Variants in SLC17A7 observed in about 807,000 individuals in gnomAD.
SLC17A7 encodes the protein vesicular glutamate transporter 1.
A neutral mutation model predicts 59.1 loss-of-function variants in SLC17A7; 15 were observed. The observed-to-expected ratio is 0.25, with a 90% confidence interval of 0.17 to 0.39. The LOEUF (loss-of-function observed/expected upper bound fraction) is 0.39, where lower values mean the gene tolerates loss of function less well. SLC17A7 is among the 10% of genes least tolerant of loss of function. The pLI is 1.00. For missense variants in SLC17A7, 499 were observed against 765.1 expected (o/e 0.65, Z 4.10); for synonymous variants, 353 against 308.9 (o/e 1.14, Z -1.50).
In SLC17A7 at chr19:49,436,316, C is replaced by G. The variant is rs548663628; in HGVS notation, c.315+233G>C. 1 of 581,098 alleles carries G rather than the reference C, an allele frequency of 1.7e-6. No homozygotes were observed. The highest frequency in any genetic ancestry group is 2.3e-5 in the South Asian group (1 of 42,986). 36.0% of individuals were successfully genotyped at this position (581,098 alleles called of 1,614,324 possible). ...GCGGACTCTACATTTTTCAATCAAG[C>G]CCCTGGAAATAAGGGCGGGACTTCA... On this transcript the variant is annotated intron_variant, in intron 2 of 11. Coordinates refer to ENST00000221485, the MANE Select transcript of SLC17A7 (RefSeq NM_020309.4). The surrounding 1 kb of genome is among the most constrained non-coding windows in gnomAD (Gnocchi z 4.1).
intron 9 of SLC17A7, among the ~76,000 whole-genome samples, chr19:49,432,203 T>G (rs778942100): frequency 6.6e-6 from 1 of 152,176 alleles, no homozygotes; most frequent in Non-Finnish European, 1.5e-5. Context: ...CATCACCTAG[T>G]TCATGTCCTA....
chr19:49,430,922 A>C, intron 11 of SLC17A7, 93 bp downstream of exon 11: 8 of 1,552,206 alleles, frequency 5.2e-6, no homozygotes, highest in Non-Finnish European at 7.0e-6. Context: ...CTGAAAAGGC[A>C]GGGATGGCAC....
intron 3 of SLC17A7, 102 bp from the exon 4 acceptor site, chr19:49,434,984 C>T (rs2078974873): frequency 8.8e-7 from 1 of 1,142,150 alleles, no homozygotes; most frequent in Non-Finnish European, 1.3e-6. Context: ...CCCCGGGACC[C>T]CAGGTCCCAC....
At chr19:49,434,255 C>A (rs912503002) in intron 5 of SLC17A7, among the ~76,000 whole-genome samples, 2 of 149,318 alleles carry the variant, frequency 1.3e-5, no homozygotes, top group Admixed American at 6.7e-5. Context: ...GGAGTCCAGG[C>A]CCCCAGCTCC....
intron 1 of SLC17A7, among the ~76,000 whole-genome samples, chr19:49,438,696 G>A (rs767360878): frequency 5.3e-5 from 8 of 152,070 alleles, no homozygotes; most frequent in Non-Finnish European, 1.0e-4. Context: ...CCACTAGGAC[G>A]AATAGTACAG....
intron 9 of SLC17A7, 43 bp downstream of exon 9, chr19:49,432,476 A>T: frequency 6.3e-7 from 1 of 1,595,066 alleles, no homozygotes; most frequent in Non-Finnish European, 8.6e-7. Context: ...GCTCTGCTCC[A>T]CCCAGGCTGT....
intron 1 of SLC17A7, among the ~76,000 whole-genome samples, chr19:49,440,157 G>A (rs1269055457): frequency 6.6e-6 from 1 of 152,124 alleles, no homozygotes; most frequent in Non-Finnish European, 1.5e-5. Context: ...AGAGGGTGGG[G>A]TAACTTTGGA....
chr19:49,431,222 C>T lies in SLC17A7; in HGVS notation c.1262-80G>A, dbSNP rs1471624573. ...CCACTGGGACGTTCTCAACCCTCTC[C>T]CCTCCCCGCCACTCATGTTCCACCT... On this transcript the variant is annotated intron_variant, in intron 10 of 11. Transcript: ENST00000221485. The surrounding 1 kb of genome is among the most constrained non-coding windows in gnomAD (Gnocchi z 4.6). 4.5e-6 allele frequency: 7 copies of T among 1,562,416 alleles called. No individual in the cohort carries two copies. The African/African-American group carries it at 5.4e-5, about 12-fold the overall frequency.
rs776405254 is a variant in SLC17A7 at position 49,432,655 on chromosome 19, C to T, written c.1018-4G>A. The T allele has an allele frequency of 1.6e-5, 25 of 1,551,736 alleles. 1 individual carries two copies. The Middle Eastern group carries it at 5.3e-4, about 33-fold the overall frequency. On this transcript the variant is annotated splice_region_variant and splice_polypyrimidine_tract_variant and intron_variant, in intron 8 of 11. Transcript: ENST00000221485. ...GCAGCGCGGACACCAGGCCTACCTG[C>T]GGGAACAGGTGTACAGGGACACTAG... is the stretch of plus-strand genomic sequence containing the variant.
chr19:49,431,077 C>A lies in SLC17A7; in HGVS notation c.1327G>T (p.Gly443Cys). 1 of 1,613,976 alleles carries A rather than the reference C, an allele frequency of 6.2e-7. No individual in the cohort carries two copies. Among genetic ancestry groups the A allele is most frequent in the Non-Finnish European group, 8.5e-7 (1 of 1,180,028 alleles). Residue 443 changes from glycine (G) to cysteine (C), a missense_variant, in exon 11 of 12, where the codon GGC (glycine) becomes TGC (cysteine). Gly to Cys is a radical substitution (Grantham distance 159, BLOSUM62 -3). This residue lies in a region of SLC17A7 where 323 missense variants were observed against 607.2 expected (regional missense o/e 0.53). Transcript: ENST00000221485. The surrounding 1 kb of genome is among the most constrained non-coding windows in gnomAD (Gnocchi z 4.6). ...YASILMGISNGVGTLSGMVCP... is the reference protein window; with the variant it reads ...YASILMGISNCVGTLSGMVCP... The stretch of plus-strand genomic sequence containing the variant: ...ACCATGCCCGACAGTGTGCCCACGC[C>A]GTTGGAGATGCCCATGAGGATGCTG...
At chr19:49,432,997 C>A (rs2078966680) in intron 7 of SLC17A7, 37 bp from the exon 8 acceptor site, 13 of 1,583,088 alleles carry the variant, frequency 8.2e-6, no homozygotes, top group Non-Finnish European at 1.1e-5. Flanking sequence ...AGACGGGGAG[C>A]GGGGCTGAGG....
In SLC17A7 at chr19:49,432,950, G is replaced by T; in HGVS notation, c.878C>A (p.Thr293Asn). 6.2e-7 allele frequency: 1 copy of T among 1,607,500 alleles called. No homozygotes were observed. The highest frequency in any genetic ancestry group is 8.5e-7 in the Non-Finnish European group (1 of 1,177,286). ...AGACGTGAAGAAGCGCCGCCAGGGAGTGCTAAACTTCTGTGGGGGCGAGGG... is the reference window on the plus strand; with the variant it reads ...AGACGTGAAGAAGCGCCGCCAGGGATTGCTAAACTTCTGTGGGGGCGAGGG... Reference protein sequence around the residue: ...KLMNPLTKFSTPWRRFFTSMP... With the variant: ...KLMNPLTKFSNPWRRFFTSMP... The change falls in exon 8 of 12, where the codon ACT becomes AAT. Residue 293 changes from threonine to asparagine, a missense_variant. Transcript: ENST00000221485.
chr19:49,434,449 C>T (rs1045898715), intron 5 of SLC17A7, among the ~76,000 whole-genome samples, 153 bp downstream of exon 5: 1 of 151,386 alleles, frequency 6.6e-6, no homozygotes, highest in East Asian at 1.9e-4. Context: ...AGCCCCTCTT[C>T]CCTCAGACCT....
At position 49,434,804 on chromosome 19, in the gene SLC17A7, A is replaced by G; in HGVS notation, c.513T>C (p.Cys171=). 2.5e-6 allele frequency: 4 copies of G among 1,614,180 alleles called. No individual in the cohort carries two copies. Among genetic ancestry groups the G allele is most frequent in the Non-Finnish European group, 3.4e-6 (4 of 1,180,034 alleles). ...IPSAARVHYG[C]VIFVRILQGL... ...CCTGCAGGATCCTCACGAAGATGACACAGCCATAGTGGACGCGGGCAGCTG... is the reference window on the plus strand; with the variant it reads ...CCTGCAGGATCCTCACGAAGATGACGCAGCCATAGTGGACGCGGGCAGCTG... The change falls in exon 4 of 12, where the codon TGT becomes TGC. Residue 171 remains cysteine, a synonymous_variant. Transcript: ENST00000221485.
chr19:49,434,093 A>T (rs778864484), intron 5 of SLC17A7, 47 bp from the exon 6 acceptor site: 1 of 1,276,994 alleles, frequency 7.8e-7, no homozygotes, highest in Non-Finnish European at 1.1e-6. Flanking sequence ...CTTCCCTCAG[A>T]TCAAGGAGTG....
chr19:49,433,505 G>C lies in SLC17A7; in HGVS notation c.867+221C>G. The C allele has an allele frequency of 2.9e-6, 2 of 698,730 alleles. No individual in the cohort carries two copies. Among genetic ancestry groups the C allele is most frequent in the Non-Finnish European group, 5.2e-6 (2 of 385,606 alleles). 43.3% of individuals were successfully genotyped at this position (698,730 alleles called of 1,614,324 possible). A position where few individuals can be genotyped will look rare whatever the true frequency, so the allele number is the denominator to read the frequency against. On this transcript the variant is annotated intron_variant, in intron 7 of 11. Transcript: ENST00000221485. The surrounding 1 kb of genome is among the most constrained non-coding windows in gnomAD (Gnocchi z 5.7). ...TGCTGGCTTTAACTATGCCCTGTCA[G>C]TGGTTCTAATCCTGCTCAACTCCCG...
At chr19:49,434,534 G>T in intron 5 of SLC17A7, 68 bp downstream of exon 5, 1 of 1,134,580 alleles carries the variant, frequency 8.8e-7, no homozygotes, top group South Asian at 1.4e-5. Flanking sequence ...TCCCCGCTCA[G>T]ACCCAACAGT....
chr19:49,432,949 A>T lies in SLC17A7; in HGVS notation c.879T>A (p.Thr293=). 1.9e-6 allele frequency: 3 copies of T among 1,607,492 alleles called. No homozygotes were observed. The highest frequency in any genetic ancestry group is 1.7e-6 in the Non-Finnish European group (2 of 1,177,310). Residue 293 remains threonine (T), a synonymous_variant, in exon 8 of 12, where the codon ACT becomes ACA. Coordinates refer to ENST00000221485, the MANE Select transcript of SLC17A7 (RefSeq NM_020309.4). ...TAGACGTGAAGAAGCGCCGCCAGGG[A>T]GTGCTAAACTTCTGTGGGGGCGAGG... is the stretch of plus-strand genomic sequence containing the variant. The part of the protein sequence containing the change: ...KLMNPLTKFS[T]PWRRFFTSMP...
chr19:49,441,370 G>T lies in SLC17A7; in HGVS notation c.10C>A (p.Arg4Ser), dbSNP rs1438885448. The T allele has an allele frequency of 6.3e-7, 1 of 1,596,322 alleles. No homozygotes were observed. The highest frequency in any genetic ancestry group is 2.3e-5 in the East Asian group (1 of 43,554). ...GCTAGCTTCCGAAACTCCTCCTGGC[G>T]GAACTCCATGGTGGCGGCTCCTGCC... The part of the protein sequence containing the change: MEF[R>S]QEEFRKLAGR... The change falls in exon 1 of 12, where the codon CGC becomes AGC. Residue 4 changes from arginine to serine, a missense_variant. Arg to Ser is a moderately radical substitution (Grantham distance 110, BLOSUM62 -1). Coordinates refer to ENST00000221485, the MANE Select transcript of SLC17A7 (RefSeq NM_020309.4).
Sources: allele counts gnomAD v4.1 joint callset (sites outside exome capture counted in the v4.1 genomes callset), GRCh38; gene constraint gnomAD v4.1.1; regional missense constraint gnomAD v4.1.1; non-coding constraint Gnocchi (gnomAD v3.1); transcripts MANE v1.5; gene names NCBI Gene and HGNC (gene_info 2026-07-23, HGNC 2026-07-21).